TIAM2: variants seen among roughly 807,000 people sequenced by gnomAD.
The protein encoded by TIAM2 is TIAM Rac1 associated GEF 2, also known as rho guanine nucleotide exchange factor TIAM2.
A neutral mutation model predicts 152.9 loss-of-function variants in TIAM2; 80 were observed. The observed-to-expected ratio is 0.52, with a 90% confidence interval of 0.44 to 0.63. TIAM2 has a LOEUF of 0.63. Ranked by LOEUF, TIAM2 falls within the 30% of genes least tolerant of loss-of-function variation. The pLI is 0.00. For missense variants in TIAM2, 1,965 were observed against 2,120.1 expected (o/e 0.93, Z 1.44); for synonymous variants, 804 against 838.0 (o/e 0.96, Z 0.70).
intron 9 of TIAM2, among the ~76,000 whole-genome samples, chr6:155,166,873 G>A (rs1583225268): frequency 6.6e-6 from 1 of 152,172 alleles, no homozygotes. Flanking sequence ...GAAATTGTTT[G>A]CAATTAAATC....
At chr6:155,243,066 A>G (rs1783131307) in intron 16 of TIAM2, among the ~76,000 whole-genome samples, 1 of 152,030 alleles carries the variant, frequency 6.6e-6, no homozygotes, top group Non-Finnish European at 1.5e-5. Flanking sequence ...ATTAAACAAA[A>G]TCTTTCGCTC....
intron 15 of TIAM2, among the ~76,000 whole-genome samples, chr6:155,217,920 C>T (rs1781903822): frequency 6.6e-6 from 1 of 152,176 alleles, no homozygotes; most frequent in African/African-American, 2.4e-5. Context: ...AATTTCTGCT[C>T]ACCCACTTGG....
intron 15 of TIAM2, among the ~76,000 whole-genome samples, chr6:155,235,358 A>G (rs1395234735): frequency 6.6e-6 from 1 of 152,220 alleles, no homozygotes; most frequent in Non-Finnish European, 1.5e-5. Context: ...AGTGCACAGA[A>G]GGCTGGGGGT....
intron 7 of TIAM2, among the ~76,000 whole-genome samples, chr6:155,158,777 G>GTTT (rs10643930): frequency 0.46 from 66,565 of 145,490 alleles, 15,688 homozygotes; most frequent in East Asian, 0.55. Context: ...GGCTGCAAGT[G>GTTT]TTTTTTTTTT....
In TIAM2 at chr6:155,182,372, C is replaced by T. The variant is rs961300193; in HGVS notation, c.2800+54C>T. On this transcript the variant is annotated intron_variant, in intron 13 of 26. Transcript: ENST00000682666. The stretch of plus-strand genomic sequence containing the variant: ...CCTCTTAATTTGAAACTGTGGGATA[C>T]AGTCTGGCTAGTGAATGTTTCTTCT... 9 of 1,418,756 alleles carry T rather than the reference C, an allele frequency of 6.3e-6. No homozygotes were observed. The East Asian group carries it at 2.1e-4, about 32-fold the overall frequency. The allele number at this position is 1,418,756 out of a possible 1,614,324, so 87.9% of individuals were successfully genotyped here.
At chr6:155,177,503 C>T (rs1050101969) in intron 10 of TIAM2, among the ~76,000 whole-genome samples, 2 of 152,076 alleles carry the variant, frequency 1.3e-5, no homozygotes, top group Non-Finnish European at 2.9e-5. Context: ...TAAAGAGAGC[C>T]CTCTGAGAGA....
intron 7 of TIAM2, among the ~76,000 whole-genome samples, chr6:155,160,816 G>A (rs983802524): frequency 1.3e-5 from 2 of 152,140 alleles, no homozygotes; most frequent in South Asian, 2.1e-4. Flanking sequence ...TCAGGATAAG[G>A]TTAAGAAGGA....
At chr6:155,099,182 C>A (rs1778491473) in intron 2 of TIAM2, among the ~76,000 whole-genome samples, 1 of 149,598 alleles carries the variant, frequency 6.7e-6, no homozygotes, top group African/African-American at 2.5e-5. Context: ...AGCAAAACTC[C>A]ATGTCTCTCT....
intron 6 of TIAM2, 71 bp downstream of exon 6, chr6:155,144,849 A>T (rs1779787124): frequency 6.8e-7 from 1 of 1,476,480 alleles, no homozygotes; most frequent in Non-Finnish European, 9.0e-7. Context: ...CAGAAAAGGC[A>T]AAACTTGGAA....
chr6:155,140,248 C>T (rs1779660617), intron 5 of TIAM2, among the ~76,000 whole-genome samples: 1 of 152,076 alleles, frequency 6.6e-6, no homozygotes, highest in African/African-American at 2.4e-5. Flanking sequence ...AGAAATTGAT[C>T]CTTGAAAGGT....
intron 2 of TIAM2, among the ~76,000 whole-genome samples, chr6:155,117,076 A>G (rs1779032283): frequency 7.1e-6 from 1 of 140,132 alleles, no homozygotes; most frequent in African/African-American, 2.6e-5. Flanking sequence ...ACATGTTTCA[A>G]AGAGCCGTGG....
At chr6:155,054,913 T>A (rs943263901) in intron 1 of TIAM2, among the ~76,000 whole-genome samples, 1 of 152,196 alleles carries the variant, frequency 6.6e-6, no homozygotes, top group African/African-American at 2.4e-5. Flanking sequence ...ATGATTGAAT[T>A]ACGGACACTG....
intron 9 of TIAM2, among the ~76,000 whole-genome samples, chr6:155,172,836 G>A (rs1469355419): frequency 6.7e-6 from 1 of 149,952 alleles, no homozygotes; most frequent in Non-Finnish European, 1.5e-5. Context: ...CTTTGACATG[G>A]GTAACCTGGA....
chr6:154,997,629 ATTTTTTTTTTTTT>A (rs57280691), intron 1 of TIAM2, among the ~76,000 whole-genome samples: 29 of 62,110 alleles, frequency 4.7e-4, no homozygotes, highest in Non-Finnish European at 6.6e-4. Flanking sequence ...GAAAGAATGG[ATTTTTTTTTTTTT>A]TTTTTTTTTT....
chr6:155,028,247 CTG>C (rs1238946762), intron 1 of TIAM2, among the ~76,000 whole-genome samples: 3 of 124,692 alleles, frequency 2.4e-5, no homozygotes, highest in South Asian at 5.0e-4. Flanking sequence ...AATATATGTA[CTG>C]TGTTACATAT....
Position 155,101,401 on chromosome 6 carries a change from G to A in TIAM2, c.-118+11022G>A, listed in dbSNP as rs1464627737. Among the ~76,000 whole-genome samples, 4 of 152,112 alleles carry A rather than the reference G, an allele frequency of 2.6e-5. No individual in the cohort carries two copies. The South Asian group carries it at 8.3e-4, about 32-fold the overall frequency. On this transcript the variant is annotated intron_variant, in intron 2 of 26. Transcript: ENST00000682666. The stretch of plus-strand genomic sequence containing the variant: ...CACATGAATATTGCCGAGGTTTTTT[G>A]CCCATTAATGTAATTACATCCAAGG...
At chr6:155,028,198 C>T (rs146479389) in intron 1 of TIAM2, among the ~76,000 whole-genome samples, 127 of 108,282 alleles carry the variant, frequency 1.2e-3, no homozygotes, top group Non-Finnish European at 1.6e-3. Context: ...ATATATACTA[C>T]ATATAATATA....
intron 24 of TIAM2, 72 bp from the exon 25 acceptor site, chr6:155,253,901 C>A: frequency 8.5e-7 from 1 of 1,175,160 alleles, no homozygotes; most frequent in South Asian, 1.4e-5. Context: ...GAGATTTCAA[C>A]TTTACAAGTG....
At chr6:154,996,355 CA>C (rs1245058830) in intron 1 of TIAM2, among the ~76,000 whole-genome samples, 1 of 152,090 alleles carries the variant, frequency 6.6e-6, no homozygotes, top group Non-Finnish European at 1.5e-5. Flanking sequence ...TAATTTCATT[CA>C]GGGGGAGGTT....
Sources: allele counts gnomAD v4.1 joint callset (sites outside exome capture counted in the v4.1 genomes callset), GRCh38; gene constraint gnomAD v4.1.1; transcripts MANE v1.5; gene names NCBI Gene and HGNC (gene_info 2026-07-23, HGNC 2026-07-21).